The following RGS6 variants were observed in gnomAD, a reference collection of about 807,000 sequenced individuals.
RGS6 encodes regulator of G protein signaling 6, also known as regulator of G-protein signaling 6.
In RGS6, 30 loss-of-function variants were observed where a neutral mutation model predicts 78.5. The observed-to-expected ratio is 0.38, with a 90% CI of 0.29 to 0.52. RGS6 has a LOEUF of 0.52. Ranked by LOEUF, RGS6 falls within the 20% of genes least tolerant of loss-of-function variation. RGS6 has a pLI of 0.85. For missense variants in RGS6, 495 were observed against 609.7 expected (o/e 0.81, Z 1.98); for synonymous variants, 206 against 206.0 (o/e 1.00, Z 0.00).
intron 3 of RGS6, among the ~76,000 whole-genome samples, chr14:72,374,627 T>G (rs975169543): frequency 4.6e-5 from 7 of 152,020 alleles, no homozygotes; most frequent in Admixed American, 4.6e-4. Flanking sequence ...CAAAAAAATT[T>G]CCAGATAAAA....
intron 2 of RGS6, among the ~76,000 whole-genome samples, chr14:72,109,062 AT>A (rs918267185): frequency 1.3e-5 from 2 of 150,482 alleles, no homozygotes; most frequent in African/African-American, 4.9e-5. Flanking sequence ...TTTTTATGTA[AT>A]TTTTTTTAAA....
intron 17 of RGS6, among the ~76,000 whole-genome samples, chr14:72,544,284 C>G (rs2097363821): frequency 2.0e-5 from 3 of 152,330 alleles, no homozygotes; most frequent in South Asian, 4.1e-4. Flanking sequence ...GCTCCTCTGT[C>G]CAGTTCCACA....
intron 2 of RGS6, among the ~76,000 whole-genome samples, chr14:72,037,046 G>GT (rs1301089496): frequency 1.3e-5 from 2 of 152,132 alleles, no homozygotes; most frequent in African/African-American, 4.8e-5. Context: ...TCAGCACTCT[G>GT]TAAAAACACA....
chr14:72,433,048 G>A (rs1307266820), intron 3 of RGS6, among the ~76,000 whole-genome samples: 3 of 152,158 alleles, frequency 2.0e-5, no homozygotes, highest in Non-Finnish European at 2.9e-5. Context: ...CATTTCCTTA[G>A]CCCTGAACCG....
chr14:72,010,599 G>T (rs1250409589), intron 2 of RGS6, among the ~76,000 whole-genome samples: 1 of 152,134 alleles, frequency 6.6e-6, no homozygotes, highest in Non-Finnish European at 1.5e-5. Context: ...ATTACAGGGG[G>T]CCATCGTTTT....
At chr14:71,888,019 C>T in the RGS6 span, among the ~76,000 whole-genome samples, 155 of 152,230 alleles carry the variant, frequency 1.0e-3, no homozygotes, top group African/African-American at 3.7e-3. Flanking sequence ...GTGACGTCAC[C>T]CCCGGCGGCC....
At chr14:72,112,312 C>T (rs1372682096) in intron 2 of RGS6, among the ~76,000 whole-genome samples, 7 of 152,124 alleles carry the variant, frequency 4.6e-5, no homozygotes. Context: ...TGGTTATAGT[C>T]ATCTGTTTTG....
Position 72,558,284 on chromosome 14 carries a change from CTT to C in RGS6, c.1423-4131_1423-4130del, listed in dbSNP as rs539452887. On this transcript the variant is annotated intron_variant, in intron 17 of 17. Transcript: ENST00000553525. Reference sequence around the variant, plus strand: ...AGAATCTCATCAGAAGCTCAGATGTCTTTACTCTCTTAGCATTGAAAAAGATC... The same window carrying C: ...AGAATCTCATCAGAAGCTCAGATGTCTACTCTCTTAGCATTGAAAAAGATC... Among the ~76,000 whole-genome samples, 3 of 152,256 alleles carry C rather than the reference CTT, an allele frequency of 2.0e-5. No homozygotes were observed. In the South Asian group the frequency reaches 6.2e-4, roughly 32 times the overall value.
chr14:72,091,179 G>A (rs2095257949), intron 2 of RGS6, among the ~76,000 whole-genome samples: 1 of 152,062 alleles, frequency 6.6e-6, no homozygotes, highest in Non-Finnish European at 1.5e-5. Context: ...TCCAACTCCT[G>A]GCCTTCTCCC....
intron 3 of RGS6, among the ~76,000 whole-genome samples, chr14:72,363,654 C>T (rs1305802329): frequency 6.6e-6 from 1 of 152,172 alleles, no homozygotes; most frequent in Non-Finnish European, 1.5e-5. Context: ...ACCTTAATAT[C>T]ATGGATTGAA....
intron 2 of RGS6, among the ~76,000 whole-genome samples, chr14:72,060,215 T>A (rs994650692): frequency 8.5e-5 from 13 of 152,328 alleles, no homozygotes; most frequent in South Asian, 8.3e-4. Flanking sequence ...AGTGCTAATG[T>A]TCACAGGTTT....
intron 2 of RGS6, among the ~76,000 whole-genome samples, chr14:72,197,149 T>A (rs1441530307): frequency 2.6e-5 from 4 of 152,226 alleles, no homozygotes; most frequent in African/African-American, 4.8e-5. Context: ...CACTTCTACC[T>A]CTGTCTCCTG....
chr14:72,554,271 A>G (rs1599093405), intron 17 of RGS6, among the ~76,000 whole-genome samples: 1 of 152,236 alleles, frequency 6.6e-6, no homozygotes, highest in East Asian at 1.9e-4. Flanking sequence ...GGGTGAACAC[A>G]TTTGCAAGAG....
chr14:72,594,957 G>A, the RGS6 span: 1 of 152,116 alleles, frequency 6.6e-6, no homozygotes, highest in African/African-American at 2.4e-5. Context: ...TCCAGGCCCA[G>A]TCCTGTAGCT....
chr14:72,012,047 C>T (rs1463281127), intron 2 of RGS6, among the ~76,000 whole-genome samples: 1 of 151,986 alleles, frequency 6.6e-6, no homozygotes, highest in East Asian at 1.9e-4. Flanking sequence ...TTTTGGGTGG[C>T]TGGGAACACA....
chr14:72,520,550 C>A (rs927774500), intron 15 of RGS6, among the ~76,000 whole-genome samples: 1 of 152,156 alleles, frequency 6.6e-6, no homozygotes, highest in African/African-American at 2.4e-5. Flanking sequence ...TAATTTTATT[C>A]TTTCTTCACT....
At chr14:71,885,087 G>A in the RGS6 span, among the ~76,000 whole-genome samples, 1 of 152,130 alleles carries the variant, frequency 6.6e-6, no homozygotes, top group Non-Finnish European at 1.5e-5. Context: ...CCTCAGCTGG[G>A]CTGAGAAGGC....
intron 2 of RGS6, among the ~76,000 whole-genome samples, chr14:72,286,820 G>C (rs2062649250): frequency 7.0e-6 from 1 of 143,018 alleles, no homozygotes; most frequent in African/African-American, 2.6e-5. Flanking sequence ...CTTTCACTCT[G>C]TTGCCCAGGC....
At chr14:72,139,674 A>G (rs1452880711) in intron 2 of RGS6, among the ~76,000 whole-genome samples, 2 of 152,224 alleles carry the variant, frequency 1.3e-5, no homozygotes, top group Non-Finnish European at 2.9e-5. Context: ...ATTTTTTGCC[A>G]TTTATATTTT....
Sources: gnomAD v4.1 joint callset for allele counts (sites outside exome capture counted in the v4.1 genomes callset) on GRCh38, gnomAD v4.1.1 for gene constraint, MANE v1.5 for transcripts, NCBI Gene and HGNC (gene_info 2026-07-23, HGNC 2026-07-21) for gene names.